PTPRR: variants seen among roughly 807,000 people sequenced by gnomAD.
PTPRR encodes the protein receptor-type tyrosine-protein phosphatase R.
In PTPRR, 38 loss-of-function variants were observed where a neutral mutation model predicts 77.2. The observed-to-expected ratio is 0.49, with a 90% CI of 0.38 to 0.65. The LOEUF (loss-of-function observed/expected upper bound fraction) is 0.65, where lower values mean the gene tolerates loss of function less well. Among genes scored for constraint, PTPRR ranks in the 30% least tolerant of loss-of-function variants. PTPRR has a pLI of 0.00. For missense variants in PTPRR, 744 were observed against 799.2 expected, an observed-to-expected ratio of 0.93 and a Z score of 0.83; for synonymous variants, 299 against 283.1, an observed-to-expected ratio of 1.06 and a Z score of -0.57.
At chr12:70,645,901 G>C (rs1251561363) in intron 13 of PTPRR, among the ~76,000 whole-genome samples, 1 of 152,092 alleles carries the variant, frequency 6.6e-6, no homozygotes, top group African/African-American at 2.4e-5. Flanking sequence ...GCCCAGGAGA[G>C]AGATTTGGCT....
intron 2 of PTPRR, among the ~76,000 whole-genome samples, chr12:70,791,459 C>T (rs905348930): frequency 6.6e-6 from 1 of 152,178 alleles, no homozygotes; most frequent in Non-Finnish European, 1.5e-5. Context: ...ACCACGTTTC[C>T]TGTCACCGTC....
chr12:70,882,919 G>T (rs1005256782), intron 2 of PTPRR, among the ~76,000 whole-genome samples: 1 of 152,304 alleles, frequency 6.6e-6, no homozygotes, highest in South Asian at 2.1e-4. Flanking sequence ...AGTATTCAAT[G>T]TGTTTTATCA....
rs560755893 is a variant in PTPRR at position 70,917,402 on chromosome 12, C to G, written c.58+2931G>C. ...GCTTTTATCCCGACTATGCTATTAA[C>G]TACCACTTTAATACTCTAGATCTTC... On this transcript the variant is annotated intron_variant, in intron 1 of 13. Transcript: ENST00000283228. 1.3e-5 allele frequency among the ~76,000 whole-genome samples: 2 copies of G among 152,274 alleles called. 1 individual carries two copies. The highest frequency in any genetic ancestry group is 4.1e-4 in the South Asian group (2 of 4,826).
At chr12:70,809,682 T>A (rs1254702754) in intron 2 of PTPRR, among the ~76,000 whole-genome samples, 1 of 152,206 alleles carries the variant, frequency 6.6e-6, no homozygotes, top group Non-Finnish European at 1.5e-5. Context: ...AAGTTTTAAG[T>A]ATCTTCATCT....
At chr12:70,792,964 T>G (rs7137586) in intron 2 of PTPRR, among the ~76,000 whole-genome samples, 20,635 of 152,140 alleles carry the variant, frequency 0.14, 1,700 homozygotes, top group African/African-American at 0.22. Context: ...TTGGATAGAA[T>G]AGTGAAATCA....
chr12:70,801,477 AT>A (rs1891613681), intron 2 of PTPRR, among the ~76,000 whole-genome samples: 1 of 152,172 alleles, frequency 6.6e-6, no homozygotes, highest in African/African-American at 2.4e-5. Context: ...GTAAGAAATA[AT>A]TTACTTTCTC....
intron 13 of PTPRR, among the ~76,000 whole-genome samples, chr12:70,653,765 A>G (rs1161180766): frequency 6.6e-6 from 1 of 152,226 alleles, no homozygotes; most frequent in Non-Finnish European, 1.5e-5. Flanking sequence ...AAACTGAGGC[A>G]TGGAGAAGGG....
At chr12:70,752,627 C>T (rs977093753) in intron 5 of PTPRR, among the ~76,000 whole-genome samples, 9 of 152,214 alleles carry the variant, frequency 5.9e-5, no homozygotes, top group African/African-American at 1.4e-4. Context: ...TCCCACTTCC[C>T]TTCTTCTATC....
At chr12:70,660,814 C>A in intron 12 of PTPRR, 126 bp downstream of exon 12, 1 of 981,016 alleles carries the variant, frequency 1.0e-6, no homozygotes, top group Non-Finnish European at 1.4e-6. Context: ...CAGACTTAAC[C>A]AATTTCAATA....
chr12:70,750,060 C>T (rs777430795), intron 5 of PTPRR, among the ~76,000 whole-genome samples: 9 of 152,062 alleles, frequency 5.9e-5, no homozygotes, highest in South Asian at 2.1e-4. Context: ...TTCTATTTGT[C>T]GCTCCACCCA....
chr12:70,868,873 T>C (rs1892909280), intron 2 of PTPRR, among the ~76,000 whole-genome samples: 1 of 152,036 alleles, frequency 6.6e-6, no homozygotes, highest in African/African-American at 2.4e-5. Context: ...GATGAGTTCA[T>C]GTCCTTTGTA....
chr12:70,848,558 A>G (rs1005142396), intron 2 of PTPRR, among the ~76,000 whole-genome samples: 1 of 152,138 alleles, frequency 6.6e-6, no homozygotes, highest in Non-Finnish European at 1.5e-5. Flanking sequence ...TCCTGACCTC[A>G]AGTGATCTGT....
intron 2 of PTPRR, among the ~76,000 whole-genome samples, chr12:70,811,129 A>G (rs1285465954): frequency 6.6e-6 from 1 of 152,228 alleles, no homozygotes; most frequent in Non-Finnish European, 1.5e-5. Context: ...ACTTCAGAGT[A>G]AATGTTAGAT....
chr12:70,816,823 C>T (rs1171421745), intron 2 of PTPRR, among the ~76,000 whole-genome samples: 1 of 151,928 alleles, frequency 6.6e-6, no homozygotes, highest in African/African-American at 2.4e-5. Context: ...TTTTCAACTT[C>T]TAAGTTACAA....
chr12:70,849,243 CA>C (rs201573541), intron 2 of PTPRR, among the ~76,000 whole-genome samples: 3 of 144,864 alleles, frequency 2.1e-5, no homozygotes, highest in African/African-American at 5.0e-5. Flanking sequence ...AATTTCTTAG[CA>C]AAAAAAAAAA....
At chr12:70,858,575 C>T (rs1892693266) in intron 2 of PTPRR, among the ~76,000 whole-genome samples, 2 of 152,000 alleles carry the variant, frequency 1.3e-5, no homozygotes, top group Non-Finnish European at 1.5e-5. Flanking sequence ...GCACTTTATC[C>T]TCTATTTGAT....
At chr12:70,701,509 A>G (rs1251286050) in intron 6 of PTPRR, among the ~76,000 whole-genome samples, 186 bp from the exon 7 acceptor site, 1 of 152,204 alleles carries the variant, frequency 6.6e-6, no homozygotes, top group African/African-American at 2.4e-5. Flanking sequence ...GAAAATAACA[A>G]TTTTGTTGTT....
At chr12:70,854,096 C>T (rs1007661309) in intron 2 of PTPRR, among the ~76,000 whole-genome samples, 23 of 152,086 alleles carry the variant, frequency 1.5e-4, no homozygotes, top group Non-Finnish European at 1.3e-4. Flanking sequence ...AAATTGCATG[C>T]CAGCAAGGAA....
chr12:70,844,113 G>A (rs1028313757), intron 2 of PTPRR, among the ~76,000 whole-genome samples: 1 of 151,902 alleles, frequency 6.6e-6, no homozygotes, highest in Non-Finnish European at 1.5e-5. Context: ...ACCATGCCCG[G>A]CTTAAAAAAA....
Sources: gnomAD v4.1 joint callset for allele counts (sites outside exome capture counted in the v4.1 genomes callset) on GRCh38, gnomAD v4.1.1 for gene constraint, MANE v1.5 for transcripts, NCBI Gene and HGNC (gene_info 2026-07-23, HGNC 2026-07-21) for gene names.